B3GNT5: variants seen among roughly 807,000 people sequenced by gnomAD.
B3GNT5 encodes the protein UDP-GlcNAc:betaGal beta-1,3-N-acetylglucosaminyltransferase 5, also known as lactosylceramide 1,3-N-acetyl-beta-D-glucosaminyltransferase.
B3GNT5 carries 11 observed loss-of-function variants against 25.9 expected under a neutral mutation model. That is an observed-to-expected ratio of 0.42 (90% confidence interval 0.27 to 0.70). B3GNT5 has a LOEUF of 0.70. Among genes scored for constraint, B3GNT5 ranks in the 30% least tolerant of loss-of-function variants. B3GNT5 has a pLI of 0.23. For synonymous variants in B3GNT5, 166 were observed against 158.6 expected (o/e 1.05, Z -0.35); for missense variants, 385 against 458.4 (o/e 0.84, Z 1.46).
In B3GNT5 at chr3:183,273,163, A is replaced by AAT; in HGVS notation, c.*2230_*2231dup. The AAT allele has an allele frequency of 1.8e-6, 1 of 551,748 alleles. No individual in the cohort carries two copies. The allele number at this position is 551,748 out of a possible 1,614,324, so 34.2% of individuals were successfully genotyped here. ...TTTTAAAAAATGTCAACAAAGGGAA[A>AAT]ATAAACTATCAGCTTGGATGGTCAC... On this transcript the variant is annotated 3_prime_UTR_variant, in exon 2 of 2. Transcript: ENST00000326505.
chr3:183,270,109 G>A lies in B3GNT5; in HGVS notation c.311G>A (p.Arg104His). Reference protein sequence around the residue: ...VKTAPENYDRRSGIRRTWGNE... With the variant: ...VKTAPENYDRHSGIRRTWGNE... ...ACTGCTCCTGAAAACTATGATCGAC[G>A]TTCCGGAATTAGAAGGACGTGGGGC... The change falls in exon 2 of 2, where the codon CGT becomes CAT. Residue 104 changes from arginine to histidine, a missense_variant. Coordinates refer to ENST00000326505, the MANE Select transcript of B3GNT5 (RefSeq NM_032047.5). The surrounding 1 kb of genome is among the most constrained non-coding windows in gnomAD (Gnocchi z 4.5). The A allele has an allele frequency of 2.5e-6, 4 of 1,614,082 alleles. No individual in the cohort carries two copies. Among genetic ancestry groups the A allele is most frequent in the Non-Finnish European group, 3.4e-6 (4 of 1,180,014 alleles).
At position 183,270,929 on chromosome 3, in the gene B3GNT5, T is replaced by G; in HGVS notation, c.1131T>G (p.Phe377Leu). 6.4e-7 allele frequency: 1 copy of G among 1,563,708 alleles called. No homozygotes were observed. Among genetic ancestry groups the G allele is most frequent in the Non-Finnish European group, 8.6e-7 (1 of 1,159,810 alleles). The change falls in exon 2 of 2, where the codon TTT (phenylalanine) becomes TTG (leucine). Residue 377 changes from phenylalanine to leucine, a missense_variant. Transcript: ENST00000326505. This position sits in a 1 kb window ranked among gnomAD's most constrained non-coding sequence, Gnocchi z 4.5. The stretch of plus-strand genomic sequence containing the variant: ...ACACATACCCTTGTAGGGCTGCGTT[T>G]ATCTAATAGTACTTGAATGTTGTAT... ...YVDTYPCRAAFI is the reference protein window; with the variant it reads ...YVDTYPCRAALI
chr3:183,259,016 A>G (rs1725341438), intron 1 of B3GNT5, among the ~76,000 whole-genome samples: 1 of 152,254 alleles, frequency 6.6e-6, no homozygotes, highest in Non-Finnish European at 1.5e-5. Flanking sequence ...TTCAGTACAG[A>G]CACGACCATA....
chr3:183,270,519 T>C lies in B3GNT5; in HGVS notation c.721T>C (p.Tyr241His). ...TAAAAGCAGCAAATACTACGTGTCC[T>C]ATGAAATGTACCAGTGGCCAGCTTA... ...RDKSSKYYVSYEMYQWPAYPD... is the reference protein window; with the variant it reads ...RDKSSKYYVSHEMYQWPAYPD... Residue 241 changes from tyrosine (Y) to histidine (H), a missense_variant, in exon 2 of 2, where the codon TAT (tyrosine) becomes CAT (histidine). Physicochemically the swap from Tyr to His is moderately conservative, Grantham distance 83 (BLOSUM62 2). Coordinates refer to ENST00000326505, the MANE Select transcript of B3GNT5 (RefSeq NM_032047.5). This position sits in a 1 kb window ranked among gnomAD's most constrained non-coding sequence, Gnocchi z 4.5. 6.2e-7 allele frequency: 1 copy of C among 1,614,194 alleles called. No homozygotes were observed. Among genetic ancestry groups the C allele is most frequent in the Non-Finnish European group, 8.5e-7 (1 of 1,180,022 alleles).
chr3:183,262,998 G>C (rs760730451), intron 1 of B3GNT5, among the ~76,000 whole-genome samples: 2 of 152,048 alleles, frequency 1.3e-5, no homozygotes, highest in Non-Finnish European at 2.9e-5. Context: ...AAACGGGGGA[G>C]GTGTGTGAGG....
Position 183,269,230 on chromosome 3 carries a change from C to CTTTTTTTTTTTTTTTTTTTTTTT in B3GNT5, c.-301-250_-301-249insTTTTTTTTTTTTTTTTTTTTTTT, listed in dbSNP as rs60835895. Among the ~76,000 whole-genome samples, 79 of 80,982 alleles carry CTTTTTTTTTTTTTTTTTTTTTTT rather than the reference C, an allele frequency of 9.8e-4. 21 individuals are homozygous for CTTTTTTTTTTTTTTTTTTTTTTT. The highest frequency in any genetic ancestry group is 4.3e-3 in the African/African-American group (68 of 15,750). 53.1% of individuals were successfully genotyped at this position (80,982 alleles called of 152,430 possible). A position where few individuals can be genotyped will look rare whatever the true frequency, so the allele number is the denominator to read the frequency against. On this transcript the variant is annotated intron_variant, in intron 1 of 1. Transcript: ENST00000326505. Reference sequence around the variant, plus strand: ...TACACGATTATAGCCGTTTGGGAAGCTTTTTTTTTTTTTTTTTTAAGAGTA... The same window carrying CTTTTTTTTTTTTTTTTTTTTTTT: ...TACACGATTATAGCCGTTTGGGAAGCTTTTTTTTTTTTTTTTTTTTTTTTTTTTTTTTTTTTTTTTTAAGAGTA...
At chr3:183,260,431 G>A (rs1030519142) in intron 1 of B3GNT5, among the ~76,000 whole-genome samples, 9 of 152,292 alleles carry the variant, frequency 5.9e-5, no homozygotes, top group East Asian at 1.9e-4. Context: ...TTGCAAGAAT[G>A]AGCACAGAGG....
chr3:183,268,771 A>C (rs1726410827), intron 1 of B3GNT5, among the ~76,000 whole-genome samples: 1 of 152,188 alleles, frequency 6.6e-6, no homozygotes, highest in Admixed American at 6.5e-5. Context: ...TGGTACAAGA[A>C]ACCGTAAGTG....
intron 1 of B3GNT5, among the ~76,000 whole-genome samples, chr3:183,256,449 A>G (rs1452174366): frequency 2.0e-5 from 3 of 152,236 alleles, no homozygotes; most frequent in Admixed American, 6.5e-5. Flanking sequence ...CAAGATTTGA[A>G]TAAAAAAGCG....
intron 1 of B3GNT5, among the ~76,000 whole-genome samples, chr3:183,257,384 C>T (rs530720530): frequency 2.6e-5 from 4 of 152,312 alleles, no homozygotes; most frequent in Admixed American, 2.6e-4. Flanking sequence ...AAGAGCTACA[C>T]CTGAAACATC....
intron 1 of B3GNT5, among the ~76,000 whole-genome samples, chr3:183,257,154 A>G (rs1725116678): frequency 6.6e-6 from 1 of 152,252 alleles, no homozygotes; most frequent in Non-Finnish European, 1.5e-5. Context: ...TGGAACATCT[A>G]ATCTGGACTG....
rs917728651 is a variant in B3GNT5 at position 183,267,892 on chromosome 3, G to A, written c.-301-1606G>A. Among the ~76,000 whole-genome samples the A allele has an allele frequency of 6.6e-6, 1 of 152,304 alleles. No individual in the cohort carries two copies. The highest frequency in any genetic ancestry group is 3.4e-3 in the Middle Eastern group (1 of 294). On this transcript the variant is annotated intron_variant, in intron 1 of 1. Transcript: ENST00000326505. The surrounding 1 kb of genome is among the most constrained non-coding windows in gnomAD (Gnocchi z 5.5). ...TTGAGTAAACAGTGGCTCCACCCCC[G>A]GCATGGTTCTTTGCACCAACATTTG...
Position 183,270,979 on chromosome 3 carries a change from C to A in B3GNT5, c.*44C>A, listed in dbSNP as rs1479532804. The stretch of plus-strand genomic sequence containing the variant: ...TGTTTTCACTGTCACTGAGTCAAAC[C>A]TGGATGAAAAAAACCTTTAAATGTT... On this transcript the variant is annotated 3_prime_UTR_variant, in exon 2 of 2. Transcript: ENST00000326505. The surrounding 1 kb of genome is among the most constrained non-coding windows in gnomAD (Gnocchi z 4.5). 6.7e-7 allele frequency: 1 copy of A among 1,497,308 alleles called. No individual in the cohort carries two copies. The highest frequency in any genetic ancestry group is 1.4e-5 in the African/African-American group (1 of 71,018). 92.8% of individuals were successfully genotyped at this position (1,497,308 alleles called of 1,614,324 possible). A position where few individuals can be genotyped will look rare whatever the true frequency, so the allele number is the denominator to read the frequency against.
rs910501603 is a variant in B3GNT5, at chr3:183,270,449, C to T, written c.651C>T (p.Asp217=). The change falls in exon 2 of 2, where the codon GAC becomes GAT. Residue 217 remains aspartate, a synonymous_variant. Coordinates refer to ENST00000326505, the MANE Select transcript of B3GNT5 (RefSeq NM_032047.5). The surrounding 1 kb of genome is among the most constrained non-coding windows in gnomAD (Gnocchi z 4.5). ...LQSLEQIGVQ[D]FWIGRVHRGA... ...GTTTAGAACAAATTGGTGTTCAAGA[C>T]TTTTGGATTGGTCGTGTTCATCGTG... 33 of 1,614,064 alleles carry T rather than the reference C, an allele frequency of 2.0e-5. No homozygotes were observed. The highest frequency in any genetic ancestry group is 2.6e-5 in the Non-Finnish European group (31 of 1,180,034).
chr3:183,266,378 AG>A (rs1319851305), intron 1 of B3GNT5, among the ~76,000 whole-genome samples: 1 of 152,218 alleles, frequency 6.6e-6, no homozygotes, highest in Admixed American at 6.5e-5. Flanking sequence ...TTCCCTTCCC[AG>A]GGTCAATTAG....
intron 1 of B3GNT5, among the ~76,000 whole-genome samples, chr3:183,255,190 C>T (rs1350275310): frequency 6.6e-6 from 1 of 152,132 alleles, no homozygotes; most frequent in Non-Finnish European, 1.5e-5. Flanking sequence ...ATGTGAAAAG[C>T]CGAAGTTGAC....
At chr3:183,262,625 G>C (rs1349117419) in intron 1 of B3GNT5, among the ~76,000 whole-genome samples, 1 of 151,868 alleles carries the variant, frequency 6.6e-6, no homozygotes, top group Non-Finnish European at 1.5e-5. Flanking sequence ...GGGAGCCCAT[G>C]AGGAGGCGGC....
intron 1 of B3GNT5, chr3:183,265,194 AG>A (rs1192858569): frequency 1.3e-5 from 2 of 152,204 alleles, no homozygotes; most frequent in African/African-American, 4.8e-5. Context: ...GAGTGAGGTG[AG>A]GGTTGCCCAA....
At chr3:183,253,541 G>T (rs1442508219) in intron 1 of B3GNT5, 69 bp downstream of exon 1, 1 of 152,312 alleles carries the variant, frequency 6.6e-6, no homozygotes, top group Non-Finnish European at 1.5e-5. Context: ...AACGGACAGC[G>T]GCAGTGCAGC....
Sources: allele counts gnomAD v4.1 joint callset (sites outside exome capture counted in the v4.1 genomes callset), GRCh38; gene constraint gnomAD v4.1.1; non-coding constraint Gnocchi (gnomAD v3.1); transcripts MANE v1.5; gene names NCBI Gene and HGNC (gene_info 2026-07-23, HGNC 2026-07-21).